Variants in MPP2 observed in about 807,000 individuals in gnomAD.
MPP2 encodes the protein MAGUK p55 subfamily member 2.
Under a neutral mutation model 58.5 loss-of-function variants are expected in MPP2, and 42 were observed. The ratio of observed to expected loss-of-function variants is 0.72; its 90% CI spans 0.56 to 0.93. MPP2 has a LOEUF of 0.93. Among genes scored for constraint, MPP2 ranks in the 40% least tolerant of loss-of-function variants. The probability of loss-of-function intolerance (pLI) is 0.00; values close to 1 mark genes in which losing one functional copy is unlikely to be tolerated. For synonymous variants in MPP2, 300 were observed against 307.8 expected (o/e 0.97, Z 0.26); for missense variants, 632 against 760.4 (o/e 0.83, Z 1.99).
chr17:43,880,839 A>G lies in MPP2; in HGVS notation c.1002T>C (p.His334=). 6.2e-7 allele frequency: 1 copy of G among 1,603,968 alleles called. No homozygotes were observed. Residue 334 remains histidine (H), a synonymous_variant, in exon 10 of 13, where the codon CAT becomes CAC. Transcript: ENST00000269095. The surrounding 1 kb of genome is among the most constrained non-coding windows in gnomAD (Gnocchi z 5.2). ...CCACCTCCTCATAAATGAGCAGCTC[A>G]TGACGGTCAAACTCTGGACACAGGG... ...LTTKNAEFDR[H]ELLIYEEVAR...
chr17:43,907,595 G>A (rs1327801619), upstream of MPP2: 38 of 985,450 alleles, frequency 3.9e-5, no homozygotes, highest in Non-Finnish European at 4.5e-5. Context: ...AGGGGGCGGA[G>A]GTCCGGAGGA....
intron 2 of MPP2, among the ~76,000 whole-genome samples, chr17:43,902,963 A>C (rs1052212406): frequency 6.6e-6 from 1 of 152,206 alleles, no homozygotes; most frequent in Non-Finnish European, 1.5e-5. Context: ...CACTGCTGTC[A>C]CCAGATTCTA....
intron 3 of MPP2, among the ~76,000 whole-genome samples, chr17:43,892,693 C>T (rs745934560): frequency 7.2e-5 from 11 of 152,160 alleles, no homozygotes; most frequent in African/African-American, 1.2e-4. Flanking sequence ...TCCATACTCT[C>T]TTCTATTGTG....
Position 43,907,072 on chromosome 17 carries a change from A to G in MPP2, c.-34+402T>C, listed in dbSNP as rs950703932. ...GGGGACCAGGGGGCCACCGGGACCC[A>G]GCGCAACCTCTGTCTCGCTCCCCAA... On this transcript the variant is annotated intron_variant, in intron 1 of 12. Transcript: ENST00000269095. The G allele has an allele frequency of 1.1e-5, 8 of 750,832 alleles. No individual in the cohort carries two copies. In the African/African-American group the frequency reaches 1.5e-4, roughly 14 times the overall value. The allele number at this position is 750,832 out of a possible 1,614,324, so 46.5% of individuals were successfully genotyped here.
chr17:43,884,789 C>A (rs1428605223), intron 3 of MPP2, among the ~76,000 whole-genome samples: 2 of 74,956 alleles, frequency 2.7e-5, no homozygotes, highest in African/African-American at 1.1e-4. Context: ...ACCTAATTCC[C>A]ATCATTCCTT....
chr17:43,884,428 T>C (rs867868037), intron 3 of MPP2, among the ~76,000 whole-genome samples: 1 of 152,334 alleles, frequency 6.6e-6, no homozygotes, highest in South Asian at 2.1e-4. Flanking sequence ...CTACGTTGCC[T>C]AGGCTAGTCT....
intron 3 of MPP2, among the ~76,000 whole-genome samples, chr17:43,894,434 TATATATATATACACACACAC>T (rs1157115208): frequency 0.077 from 1,242 of 16,162 alleles, 29 homozygotes; most frequent in African/African-American, 0.19. Flanking sequence ...TATATATATA[TATATATATATACACACACAC>T]ACACACACAA....
At chr17:43,900,658 C>A (rs1274734878) in intron 2 of MPP2, 2 of 1,423,888 alleles carry the variant, frequency 1.4e-6, no homozygotes, top group Non-Finnish European at 1.8e-6. Flanking sequence ...TCGAGGAGCG[C>A]CCTCTGAGGA....
rs2047201931 is a variant in MPP2, at chr17:43,882,923, T to G, written c.433A>C (p.Lys145Gln). ...CTCACCAGATGTTCTCCGGCTGTCT[T>G]GCGGATGCCCACCATGCGCACAGCA... ...PDAVRMVGIR[K>Q]TAGEHLGVTF... The change falls in exon 5 of 13, where the codon AAG becomes CAG. Residue 145 changes from lysine to glutamine, a missense_variant. By Grantham distance (53) the Lys-to-Gln change is moderately conservative (BLOSUM62 1). Coordinates refer to ENST00000269095, the MANE Select transcript of MPP2 (RefSeq NM_005374.5). 4 of 1,614,092 alleles carry G rather than the reference T, an allele frequency of 2.5e-6. No homozygotes were observed. The highest frequency in any genetic ancestry group is 3.4e-6 in the Non-Finnish European group (4 of 1,180,022).
intron 2 of MPP2, among the ~76,000 whole-genome samples, chr17:43,898,809 A>G (rs2047964998): frequency 6.6e-6 from 1 of 152,162 alleles, no homozygotes; most frequent in African/African-American, 2.4e-5. Flanking sequence ...TACTAAAAAT[A>G]CCAAAATTAG....
chr17:43,881,618 G>C, intron 6 of MPP2, 29 bp from the exon 7 acceptor site: 1 of 1,608,842 alleles, frequency 6.2e-7, no homozygotes, highest in Non-Finnish European at 8.5e-7. Flanking sequence ...AAAGGGTCGG[G>C]GGAAGGGTCA....
chr17:43,886,164 G>A (rs2047360590), intron 3 of MPP2, among the ~76,000 whole-genome samples: 1 of 151,832 alleles, frequency 6.6e-6, no homozygotes, highest in East Asian at 1.9e-4. Flanking sequence ...ACAGAACACT[G>A]TATATACCCT....
At chr17:43,891,409 G>C (rs969612960) in intron 3 of MPP2, among the ~76,000 whole-genome samples, 1 of 151,878 alleles carries the variant, frequency 6.6e-6, no homozygotes, top group African/African-American at 2.4e-5. Flanking sequence ...CAGCTACTCG[G>C]GAGGCTGAGG....
chr17:43,902,208 G>A (rs1219162009), intron 2 of MPP2, among the ~76,000 whole-genome samples: 2 of 152,122 alleles, frequency 1.3e-5, no homozygotes, highest in Non-Finnish European at 2.9e-5. Flanking sequence ...ACATGAAGGG[G>A]AGCAGGAGCC....
chr17:43,907,556 G>A (rs889865289), upstream of MPP2: 1 of 985,390 alleles, frequency 1.0e-6, no homozygotes, highest in Non-Finnish European at 1.2e-6. Flanking sequence ...TCGCTAGCCC[G>A]GCTCTTAAAG....
chr17:43,884,243 ATAATTT>A (rs1201254399), intron 3 of MPP2: 14 of 622,876 alleles, frequency 2.2e-5, no homozygotes, highest in Admixed American at 8.3e-5. Context: ...AGTATCCTTT[ATAATTT>A]TATTTTTTCT....
At chr17:43,890,623 G>A (rs760080181) in intron 3 of MPP2, among the ~76,000 whole-genome samples, 4 of 152,244 alleles carry the variant, frequency 2.6e-5, no homozygotes, top group Non-Finnish European at 4.4e-5. Flanking sequence ...AGAGAGTAGT[G>A]TGTCAGAAAG....
chr17:43,881,562 C>T lies in MPP2; in HGVS notation c.709G>A (p.Asp237Asn), dbSNP rs1273399424. 6.2e-7 allele frequency: 1 copy of T among 1,613,716 alleles called. No homozygotes were observed. Among genetic ancestry groups the T allele is most frequent in the Admixed American group, 1.7e-5 (1 of 60,000 alleles). ...QVFVKCHFDY[D>N]PARDSLIPCK... ...GGGATGAGGCTGTCTCGGGCCGGGT[C>T]ATAGTCAAAGTGACATTTCACAAAT... Residue 237 changes from aspartate (D) to asparagine (N), a missense_variant, in exon 7 of 13, where the codon GAC becomes AAC. Physicochemically the swap from Asp to Asn is conservative, Grantham distance 23. Coordinates refer to ENST00000269095, the MANE Select transcript of MPP2 (RefSeq NM_005374.5).
At chr17:43,892,262 G>C (rs1199515600) in intron 3 of MPP2, among the ~76,000 whole-genome samples, 1 of 152,240 alleles carries the variant, frequency 6.6e-6, no homozygotes, top group Non-Finnish European at 1.5e-5. Context: ...GCGTAAGGGA[G>C]GGAGGCCAAC....
Sources: allele counts gnomAD v4.1 joint callset (sites outside exome capture counted in the v4.1 genomes callset), GRCh38; gene constraint gnomAD v4.1.1; non-coding constraint Gnocchi (gnomAD v3.1); transcripts MANE v1.5; gene names NCBI Gene and HGNC (gene_info 2026-07-23, HGNC 2026-07-21).